Variants in OR6N1 observed in about 807,000 individuals in gnomAD.
OR6N1 encodes the protein olfactory receptor family 6 subfamily N member 1.
For synonymous variants in OR6N1, 170 were observed against 150.7 expected, an observed-to-expected ratio of 1.13 and a Z score of -0.94; for missense variants, 394 against 371.7, an observed-to-expected ratio of 1.06 and a Z score of -0.49.
chr1:158,778,351 C>G, the OR6N1 span, among the ~76,000 whole-genome samples: 209 of 152,200 alleles, frequency 1.4e-3, no homozygotes, highest in African/African-American at 4.9e-3. Flanking sequence ...TGAAAAAAAA[C>G]TTTTAGAGGA....
the OR6N1 span, among the ~76,000 whole-genome samples, chr1:158,823,478 T>C: frequency 6.6e-6 from 1 of 152,142 alleles, no homozygotes; most frequent in Admixed American, 6.5e-5. Flanking sequence ...TTCTTCTAGG[T>C]TTTCTAGTTT....
upstream of OR6N1, among the ~76,000 whole-genome samples, chr1:158,773,175 AT>A (rs11292789): frequency 0.93 from 140,482 of 150,906 alleles, 65,606 homozygotes; most frequent in Admixed American, 0.96. Context: ...TTTCTGGAAG[AT>A]TTTTTTTTTT....
At chr1:158,804,434 G>T in the OR6N1 span, among the ~76,000 whole-genome samples, 1 of 152,142 alleles carries the variant, frequency 6.6e-6, no homozygotes, top group African/African-American at 2.4e-5. Flanking sequence ...AGATTGAACT[G>T]GTTCTGTGGT....
the OR6N1 span, among the ~76,000 whole-genome samples, chr1:158,832,507 GA>G: frequency 6.6e-6 from 1 of 151,390 alleles, no homozygotes; most frequent in Non-Finnish European, 1.5e-5. Context: ...TTTTTACATA[GA>G]ATATGTATAT....
At position 158,765,442 on chromosome 1, in the gene OR6N1, G is replaced by A. The variant is rs1054522768; in HGVS notation, c.*302C>T. ...GAAAAATGCCTATAAACGTATAATA[G>A]GTAAGACACAGATTTTAAAAAAAAC... On this transcript the variant is annotated 3_prime_UTR_variant, in exon 2 of 2. Coordinates refer to ENST00000641846, the MANE Select transcript of OR6N1 (RefSeq NM_001005185.2). 14 of 253,136 alleles carry A rather than the reference G, an allele frequency of 5.5e-5. No individual in the cohort carries two copies. The highest frequency in any genetic ancestry group is 2.0e-4 in the African/African-American group (9 of 45,194). 15.7% of individuals were successfully genotyped at this position (253,136 alleles called of 1,614,324 possible). A position where few individuals can be genotyped will look rare whatever the true frequency, so the allele number is the denominator to read the frequency against.
the OR6N1 span, among the ~76,000 whole-genome samples, chr1:158,823,165 T>G: frequency 0.67 from 101,973 of 151,922 alleles, 34,683 homozygotes; most frequent in African/African-American, 0.76. Flanking sequence ...TTGGCCTGAA[T>G]ATTTCTTTTT....
At chr1:158,793,996 A>G in the OR6N1 span, among the ~76,000 whole-genome samples, 2 of 152,288 alleles carry the variant, frequency 1.3e-5, no homozygotes, top group African/African-American at 2.4e-5. Flanking sequence ...GGCTATTCAG[A>G]TTAGAAAGGC....
the OR6N1 span, among the ~76,000 whole-genome samples, chr1:158,826,079 A>G: frequency 2.0e-5 from 3 of 152,044 alleles, no homozygotes; most frequent in East Asian, 5.8e-4. Context: ...GAAGACATGG[A>G]CCCAAAGAGG....
At chr1:158,780,151 C>A in the OR6N1 span, among the ~76,000 whole-genome samples, 6 of 152,154 alleles carry the variant, frequency 3.9e-5, no homozygotes, top group African/African-American at 1.2e-4. Context: ...TTCCCTAATC[C>A]TGTTGAAAGA....
At chr1:158,827,568 ACTT>A in the OR6N1 span, among the ~76,000 whole-genome samples, 1 of 152,186 alleles carries the variant, frequency 6.6e-6, no homozygotes. Flanking sequence ...TTTGCAATAT[ACTT>A]CTTGAAATGC....
chr1:158,793,449 A>G, the OR6N1 span, among the ~76,000 whole-genome samples: 3 of 152,048 alleles, frequency 2.0e-5, no homozygotes, highest in African/African-American at 7.2e-5. Flanking sequence ...TGAGTTTTTT[A>G]AATTTATATT....
chr1:158,814,445 G>C, the OR6N1 span, among the ~76,000 whole-genome samples: 1 of 152,142 alleles, frequency 6.6e-6, no homozygotes, highest in Non-Finnish European at 1.5e-5. Flanking sequence ...ATCTTACACA[G>C]TTTGAGCTGC....
At chr1:158,816,551 G>A in the OR6N1 span, among the ~76,000 whole-genome samples, 6 of 152,096 alleles carry the variant, frequency 3.9e-5, no homozygotes, top group African/African-American at 1.4e-4. Context: ...TTAGCCAAGT[G>A]TGGTGGCACA....
In OR6N1 at chr1:158,766,166, G is replaced by C. The variant is rs150316932; in HGVS notation, c.517C>G (p.Arg173Gly). 6.2e-7 allele frequency: 1 copy of C among 1,614,030 alleles called. No homozygotes were observed. Among genetic ancestry groups the C allele is most frequent in the Non-Finnish European group, 8.5e-7 (1 of 1,180,054 alleles). The change falls in exon 2 of 2, where the codon CGC becomes GGC. Residue 173 changes from arginine to glycine, a missense_variant. By Grantham distance (125) the Arg-to-Gly change is moderately radical. Transcript: ENST00000641846. ...ISRLPFCGPN[R>G]IQHVFCDFPP... ...AAGTCACAAAAGACGTGCTGAATGC[G>C]ATTGGGGCCACAGAATGGGAGGCGT...
chr1:158,780,337 A>G, the OR6N1 span, among the ~76,000 whole-genome samples: 3 of 152,176 alleles, frequency 2.0e-5, no homozygotes, highest in African/African-American at 7.2e-5. Flanking sequence ...TTTCAGGAGC[A>G]CCCTAAAGGC....
chr1:158,835,200 T>G, the OR6N1 span, among the ~76,000 whole-genome samples: 12 of 152,314 alleles, frequency 7.9e-5, no homozygotes, highest in African/African-American at 2.6e-4. Context: ...GCATTGCATA[T>G]GCAGTTCCTT....
At chr1:158,776,399 G>A (rs1309054002), upstream of OR6N1, 6 of 253,538 alleles carry the variant, frequency 2.4e-5, no homozygotes, top group Admixed American at 5.2e-5. Context: ...AAAAGGAACA[G>A]AGAAATCGAT....
the OR6N1 span, among the ~76,000 whole-genome samples, chr1:158,834,231 ATTT>A: frequency 2.3e-5 from 3 of 130,282 alleles, no homozygotes; most frequent in Non-Finnish European, 3.2e-5. Context: ...TCCTTTATCA[ATTT>A]TTTTTTTTTT....
the OR6N1 span, among the ~76,000 whole-genome samples, chr1:158,797,222 C>T: frequency 6.6e-6 from 1 of 152,194 alleles, no homozygotes; most frequent in African/African-American, 2.4e-5. Flanking sequence ...ACTTGTGCAC[C>T]TTTCTGTGTG....
Sources: gnomAD v4.1 joint callset for allele counts (sites outside exome capture counted in the v4.1 genomes callset) on GRCh38, gnomAD v4.1.1 for gene constraint, MANE v1.5 for transcripts, NCBI Gene and HGNC (gene_info 2026-07-23, HGNC 2026-07-21) for gene names.